FAAH2: variants seen among roughly 807,000 people sequenced by gnomAD.
The protein encoded by FAAH2 is fatty acid amide hydrolase 2.
Under a neutral mutation model 36.9 loss-of-function variants are expected in FAAH2, and 60 were observed. The ratio of observed to expected loss-of-function variants is 1.63; its 90% CI spans 1.32 to 2.02. FAAH2 has a LOEUF of 2.02. FAAH2 is among the 30% of genes most tolerant of loss of function. The pLI, the probability that FAAH2 is intolerant of heterozygous loss-of-function variation, is 0.00. For missense variants in FAAH2, 689 were observed against 397.5 expected (o/e 1.73, Z -6.23); for synonymous variants, 214 against 143.8 (o/e 1.49, Z -3.49).
the FAAH2 span, among the ~76,000 whole-genome samples, chrX:57,245,976 T>TA: frequency 2.7e-5 from 3 of 111,183 alleles, no homozygotes; most frequent in Non-Finnish European, 5.7e-5. Flanking sequence ...GATAATCTGC[T>TA]AGCCAGACTA....
At chrX:57,385,477 G>A (rs1030811062) in intron 7 of FAAH2, among the ~76,000 whole-genome samples, 1 of 111,246 alleles carries the variant, frequency 9.0e-6, no homozygotes, top group African/African-American at 3.3e-5. Flanking sequence ...TCAGTGTCTG[G>A]TGAGGGCCAT....
At chrX:57,370,653 G>A (rs147174246) in intron 5 of FAAH2, among the ~76,000 whole-genome samples, 14 of 112,220 alleles carry the variant, frequency 1.2e-4, no homozygotes, top group South Asian at 3.7e-4. Flanking sequence ...CCAGTCCATC[G>A]CCTGTTAGAA....
the FAAH2 span, among the ~76,000 whole-genome samples, chrX:57,156,796 G>A: frequency 9.0e-6 from 1 of 111,533 alleles, no homozygotes; most frequent in South Asian, 3.8e-4. Flanking sequence ...GGTGACACAG[G>A]CACTCCTATG....
intron 8 of FAAH2, among the ~76,000 whole-genome samples, chrX:57,443,853 G>C (rs1358202790): frequency 8.9e-6 from 1 of 112,162 alleles, no homozygotes; most frequent in African/African-American, 3.2e-5. Context: ...TCAGTTGCAG[G>C]TCTGTTGGAG....
the FAAH2 span, among the ~76,000 whole-genome samples, chrX:57,152,950 C>T: frequency 9.3e-6 from 1 of 107,906 alleles, no homozygotes. Context: ...CTGTCTAGTG[C>T]TGTCAGTGGA....
chrX:57,265,537 A>AT, the FAAH2 span, among the ~76,000 whole-genome samples: 3 of 111,214 alleles, frequency 2.7e-5, no homozygotes, highest in African/African-American at 9.8e-5. Context: ...GGCAGAAGAG[A>AT]TCCCCCAGCA....
At chrX:57,261,078 C>T in the FAAH2 span, among the ~76,000 whole-genome samples, 51 of 111,524 alleles carry the variant, frequency 4.6e-4, no homozygotes, top group African/African-American at 1.6e-3. Context: ...TATACAAAGA[C>T]TTGTATTAAA....
the FAAH2 span, among the ~76,000 whole-genome samples, chrX:57,240,144 A>G: frequency 9.0e-6 from 1 of 111,593 alleles, no homozygotes; most frequent in Admixed American, 9.5e-5. Context: ...GTTGTTTTGT[A>G]TGTGTGTGGG....
At chrX:57,139,383 T>G in the FAAH2 span, among the ~76,000 whole-genome samples, 1 of 112,257 alleles carries the variant, frequency 8.9e-6, no homozygotes, top group Non-Finnish European at 1.9e-5. Context: ...TAGATTTATT[T>G]ATGAGTTCTC....
At chrX:57,264,514 T>C in the FAAH2 span, among the ~76,000 whole-genome samples, 1 of 112,354 alleles carries the variant, frequency 8.9e-6, no homozygotes, top group Non-Finnish European at 1.9e-5. Flanking sequence ...CTGGCTATAA[T>C]TATAAAGTCA....
chrX:57,242,797 C>T, the FAAH2 span, among the ~76,000 whole-genome samples: 2 of 112,220 alleles, frequency 1.8e-5, no homozygotes, highest in Non-Finnish European at 3.8e-5. Context: ...CCTACACTAC[C>T]AAGGCCCTGC....
intron 4 of FAAH2, among the ~76,000 whole-genome samples, chrX:57,338,691 A>G (rs1190248597): frequency 2.7e-5 from 3 of 111,236 alleles, no homozygotes; most frequent in African/African-American, 9.8e-5. Flanking sequence ...ACCTAAGAAT[A>G]CAGCTAACAA....
the FAAH2 span, among the ~76,000 whole-genome samples, chrX:57,277,662 A>G: frequency 8.9e-5 from 10 of 112,136 alleles, no homozygotes; most frequent in Admixed American, 1.9e-4. Flanking sequence ...ATGATTGTAT[A>G]TTTAGAAAAC....
the FAAH2 span, among the ~76,000 whole-genome samples, chrX:57,218,322 T>G: frequency 8.9e-6 from 1 of 111,902 alleles, no homozygotes; most frequent in African/African-American, 3.3e-5. Context: ...TTCAGTATTT[T>G]GTTGACTCTG....
At chrX:57,338,877 T>C (rs2053620180) in intron 4 of FAAH2, among the ~76,000 whole-genome samples, 1 of 111,145 alleles carries the variant, frequency 9.0e-6, no homozygotes, top group African/African-American at 3.3e-5. Flanking sequence ...TAAACTACCA[T>C]TGACATTTTT....
At chrX:57,294,045 G>A (rs2052062147) in intron 2 of FAAH2, among the ~76,000 whole-genome samples, 1 of 112,226 alleles carries the variant, frequency 8.9e-6, no homozygotes, top group Non-Finnish European at 1.9e-5. Context: ...TGGGCTTACT[G>A]TCCTGATAAC....
chrX:57,295,657 G>A (rs947931243), intron 2 of FAAH2, among the ~76,000 whole-genome samples: 2 of 112,254 alleles, frequency 1.8e-5, no homozygotes, highest in African/African-American at 3.2e-5. Flanking sequence ...GCAGGGCGAG[G>A]CATCACCTCA....
chrX:57,265,200 G>A, the FAAH2 span, among the ~76,000 whole-genome samples: 1 of 111,619 alleles, frequency 9.0e-6, no homozygotes, highest in Non-Finnish European at 1.9e-5. Context: ...ATCCACTCAG[G>A]CATGCACGAG....
chrX:57,407,230 T>C (rs1048774164), intron 7 of FAAH2, among the ~76,000 whole-genome samples: 1 of 111,717 alleles, frequency 9.0e-6, no homozygotes, highest in African/African-American at 3.3e-5. Flanking sequence ...TGCAGTGAAA[T>C]AAGAGCTGAG....
Sources: gnomAD v4.1 joint callset for allele counts (sites outside exome capture counted in the v4.1 genomes callset) on GRCh38, gnomAD v4.1.1 for gene constraint, MANE v1.5 for transcripts, NCBI Gene and HGNC (gene_info 2026-07-23, HGNC 2026-07-21) for gene names.